SLC25A48: variants seen among roughly 807,000 people sequenced by gnomAD.
SLC25A48 encodes solute carrier family 25 member 48.
A neutral mutation model predicts 32.2 loss-of-function variants in SLC25A48; 29 were observed. That is an observed-to-expected ratio of 0.90 (90% CI 0.67 to 1.23). SLC25A48 has a LOEUF of 1.23. Ranked by LOEUF, SLC25A48 falls within the 50% of genes most tolerant of loss-of-function variation. The probability of loss-of-function intolerance (pLI) is 0.00; values close to 1 mark genes in which losing one functional copy is unlikely to be tolerated. For missense variants in SLC25A48, 399 were observed against 422.7 expected, an observed-to-expected ratio of 0.94 and a Z score of 0.49; for synonymous variants, 164 against 172.3, an observed-to-expected ratio of 0.95 and a Z score of 0.38.
chr5:135,834,222 AGCCAGGGCCAGGCAGGGAGCTGG>A (rs1758320802), upstream of SLC25A48, among the ~76,000 whole-genome samples: 1 of 152,174 alleles, frequency 6.6e-6, no homozygotes, highest in Non-Finnish European at 1.5e-5. Flanking sequence ...GTGTAGGGTG[AGCCAGGGCCAGGCAGGGAGCTGG>A]GCCCCTAGAG....
At chr5:135,634,135 G>A (rs913793728) in intron 2 of SLC25A48, among the ~76,000 whole-genome samples, 1 of 152,172 alleles carries the variant, frequency 6.6e-6, no homozygotes, top group Non-Finnish European at 1.5e-5. Context: ...AAGAAGGCAG[G>A]GCCAATTCTA....
intron 3 of SLC25A48, among the ~76,000 whole-genome samples, chr5:135,776,797 G>A (rs530260098): frequency 3.3e-5 from 5 of 151,906 alleles, no homozygotes; most frequent in South Asian, 2.1e-4. Context: ...TGGCAATAAT[G>A]TTCCTAATGT....
chr5:135,771,534 C>G (rs1284611767), intron 3 of SLC25A48, among the ~76,000 whole-genome samples: 1 of 147,988 alleles, frequency 6.8e-6, no homozygotes, highest in Non-Finnish European at 1.5e-5. Flanking sequence ...TGATATTACT[C>G]TCATTTTCGT....
rs559969471 is a variant in SLC25A48, at chr5:135,768,669, G to A, written c.-520-43854G>A. ...TGTTCATAGTATCCAGGGGGAAATA[G>A]GATGGTATTACTCTGAATATCGCAG... On this transcript the variant is annotated intron_variant, in intron 3 of 10. Coordinates refer to the SLC25A48 transcript ENST00000646290. 6.6e-5 allele frequency among the ~76,000 whole-genome samples: 10 copies of A among 151,760 alleles called. No homozygotes were observed. The East Asian group carries it at 1.7e-3, about 26-fold the overall frequency.
intron 6 of SLC25A48, 45 bp downstream of exon 6, chr5:135,874,199 G>A (rs1349058041): frequency 1.4e-6 from 2 of 1,401,860 alleles, no homozygotes; most frequent in Non-Finnish European, 9.2e-7. Context: ...GTCCCTGGAA[G>A]GTGGTTCACA....
chr5:135,586,518 G>C (rs113274097), intron 1 of SLC25A48, among the ~76,000 whole-genome samples: 3,105 of 117,850 alleles, frequency 0.026, 106 homozygotes, highest in African/African-American at 0.099. Flanking sequence ...CTTCTGCAGT[G>C]ATCTCAGACA....
chr5:135,767,532 C>T (rs138628663), intron 3 of SLC25A48, among the ~76,000 whole-genome samples: 38 of 151,710 alleles, frequency 2.5e-4, no homozygotes, highest in African/African-American at 7.0e-4. Context: ...CTTTCAATAT[C>T]GTAAACACTC....
intron 3 of SLC25A48, among the ~76,000 whole-genome samples, chr5:135,772,508 A>G (rs186185364): frequency 6.6e-6 from 1 of 151,650 alleles, no homozygotes; most frequent in African/African-American, 2.4e-5. Flanking sequence ...ACTACTCCCA[A>G]TATTGCAGCG....
rs564090046 is a variant in SLC25A48, at chr5:135,619,949, C to T, written c.-848-9288C>T. ...GATGTTCACTGGATTTGATGTTAGT[C>T]CAGGCAGGCCCATTCTTGGGCCTCC... is the stretch of plus-strand genomic sequence containing the variant. On this transcript the variant is annotated intron_variant, in intron 1 of 10. Coordinates refer to the SLC25A48 transcript ENST00000646290. 4.3e-4 allele frequency among the ~76,000 whole-genome samples: 65 copies of T among 152,228 alleles called. No homozygotes were observed. In the South Asian group the frequency reaches 0.013, roughly 31 times the overall value.
intron 3 of SLC25A48, among the ~76,000 whole-genome samples, chr5:135,741,935 C>T (rs1755509975): frequency 1.3e-5 from 2 of 152,178 alleles, no homozygotes; most frequent in African/African-American, 4.8e-5. Context: ...GAGAGATGTA[C>T]ATCTGCTAGC....
intron 3 of SLC25A48, among the ~76,000 whole-genome samples, chr5:135,785,752 G>T (rs1263614424): frequency 6.8e-6 from 1 of 147,530 alleles, no homozygotes; most frequent in Non-Finnish European, 1.5e-5. Context: ...TGGGGCGGGG[G>T]TGAAACATCC....
chr5:135,700,262 C>T (rs1167348838), intron 3 of SLC25A48, among the ~76,000 whole-genome samples: 1 of 145,914 alleles, frequency 6.9e-6, no homozygotes, highest in African/African-American at 2.5e-5. Context: ...ATCCCAGCTA[C>T]TTGGGAGGCT....
At chr5:135,644,673 G>A (rs1234634487) in intron 3 of SLC25A48, among the ~76,000 whole-genome samples, 2 of 152,174 alleles carry the variant, frequency 1.3e-5, no homozygotes, top group Admixed American at 6.5e-5. Context: ...GGAGCTAGGA[G>A]TCAGACCCAG....
At chr5:135,885,525 C>A (rs1217282995) in intron 7 of SLC25A48, among the ~76,000 whole-genome samples, 2 of 152,202 alleles carry the variant, frequency 1.3e-5, no homozygotes, top group African/African-American at 2.4e-5. Context: ...CCTCCAGCAG[C>A]ATCCATGGTC....
intron 3 of SLC25A48, among the ~76,000 whole-genome samples, chr5:135,770,199 G>A (rs111848734): frequency 6.6e-6 from 1 of 151,738 alleles, no homozygotes; most frequent in African/African-American, 2.4e-5. Flanking sequence ...ATATCGCAGG[G>A]GGTGTACACT....
intron 3 of SLC25A48, among the ~76,000 whole-genome samples, chr5:135,790,262 C>G (rs896474418): frequency 1.3e-5 from 2 of 151,298 alleles, no homozygotes; most frequent in African/African-American, 4.9e-5. Context: ...TGGGGTTTTA[C>G]GTACTATCAT....
At chr5:135,783,064 G>A (rs1211312840) in intron 3 of SLC25A48, among the ~76,000 whole-genome samples, 1 of 115,366 alleles carries the variant, frequency 8.7e-6, no homozygotes, top group African/African-American at 2.6e-5. Flanking sequence ...GGTGGGGAGA[G>A]GATGATATTA....
intron 7 of SLC25A48, chr5:135,883,577 G>T: frequency 1.4e-6 from 1 of 698,394 alleles, no homozygotes; most frequent in Non-Finnish European, 1.8e-6. Context: ...CCTCCACACA[G>T]GTGAGGAGAG....
At chr5:135,819,094 TAA>T (rs369833148) in intron 4 of SLC25A48, among the ~76,000 whole-genome samples, 3 of 141,612 alleles carry the variant, frequency 2.1e-5, no homozygotes, top group East Asian at 2.0e-4. Context: ...GGAAAAACAT[TAA>T]AAAAAAAAAT....
Sources: gnomAD v4.1 joint callset for allele counts (sites outside exome capture counted in the v4.1 genomes callset) on GRCh38, gnomAD v4.1.1 for gene constraint, MANE v1.5 for transcripts, NCBI Gene and HGNC (gene_info 2026-07-23, HGNC 2026-07-21) for gene names.